Variants in MMP16 observed in about 807,000 individuals in gnomAD.
MMP16 encodes the protein matrix metalloproteinase-16.
Under a neutral mutation model 67.8 loss-of-function variants are expected in MMP16, and 12 were observed. The ratio of observed to expected loss-of-function variants is 0.18; its 90% CI spans 0.11 to 0.29. The LOEUF is 0.29. Ranked by LOEUF, MMP16 falls within the 10% of genes least tolerant of loss-of-function variation. The probability of loss-of-function intolerance (pLI) is 1.00; values close to 1 mark genes in which losing one functional copy is unlikely to be tolerated. For missense variants in MMP16, 475 were observed against 765.7 expected (o/e 0.62, Z 4.48); for synonymous variants, 249 against 255.9 (o/e 0.97, Z 0.26).
chr8:88,126,002 T>C (rs1346824487), intron 4 of MMP16, among the ~76,000 whole-genome samples: 2 of 150,904 alleles, frequency 1.3e-5, no homozygotes, highest in East Asian at 3.9e-4. Context: ...TGAATTGCCA[T>C]ATTATTTTTA....
chr8:88,056,136 C>A lies in MMP16; in HGVS notation c.1365G>T (p.Lys455Asn). 6.4e-7 allele frequency: 1 copy of A among 1,563,742 alleles called. No individual in the cohort carries two copies. The highest frequency in any genetic ancestry group is 8.7e-7 in the Non-Finnish European group (1 of 1,151,584). Residue 455 changes from lysine to asparagine, a missense_variant, in exon 8 of 10, where the codon AAG becomes AAT. Coordinates refer to ENST00000286614, the MANE Select transcript of MMP16 (RefSeq NM_005941.5). ...GAGAAGTGTATACTGACCTGTCTCCCTTGAAGAAATAGGTTTTCCCGACGT... is the reference window on the plus strand; with the variant it reads ...GAGAAGTGTATACTGACCTGTCTCCATTGAAGAAATAGGTTTTCCCGACGT... Reference protein sequence around the residue: ...WEDVGKTYFFKGDRYWRYSEE... With the variant: ...WEDVGKTYFFNGDRYWRYSEE...
chr8:88,265,936 G>T (rs1585988002), intron 1 of MMP16, among the ~76,000 whole-genome samples: 1 of 152,134 alleles, frequency 6.6e-6, no homozygotes, highest in Non-Finnish European at 1.5e-5. Flanking sequence ...GGGCAATCTG[G>T]ATCTGACTGC....
At chr8:88,087,319 T>C (rs17664125) in intron 6 of MMP16, among the ~76,000 whole-genome samples, 27,396 of 151,848 alleles carry the variant, frequency 0.18, 2,888 homozygotes, top group Middle Eastern at 0.28. Flanking sequence ...TCACCTCCTC[T>C]GGGGATACTT....
At chr8:88,080,633 A>G (rs1808731299) in intron 6 of MMP16, among the ~76,000 whole-genome samples, 1 of 151,990 alleles carries the variant, frequency 6.6e-6, no homozygotes, top group African/African-American at 2.4e-5. Flanking sequence ...ATGAGGTTTC[A>G]CCACGTTGGC....
intron 4 of MMP16, among the ~76,000 whole-genome samples, chr8:88,120,784 C>A (rs1376556645): frequency 1.3e-5 from 2 of 151,862 alleles, no homozygotes; most frequent in Non-Finnish European, 2.9e-5. Flanking sequence ...AAAACTGATG[C>A]AACTTCTTGG....
intron 1 of MMP16, among the ~76,000 whole-genome samples, chr8:88,274,359 TTTTATAA>T (rs1810612265): frequency 6.6e-6 from 1 of 152,094 alleles, no homozygotes; most frequent in Admixed American, 6.6e-5. Flanking sequence ...TGCAGGTGTG[TTTTATAA>T]CAAGCTTTGT....
At chr8:88,236,156 A>G (rs2129885791) in intron 1 of MMP16, among the ~76,000 whole-genome samples, 1 of 152,346 alleles carries the variant, frequency 6.6e-6, no homozygotes, top group South Asian at 2.1e-4. Context: ...AAAGTATACA[A>G]AAAGTGCACA....
chr8:88,166,675 G>A (rs1808716074), intron 4 of MMP16, among the ~76,000 whole-genome samples: 1 of 100,604 alleles, frequency 9.9e-6, no homozygotes. Flanking sequence ...AAAAGAGAAG[G>A]AGCAAAAAAT....
chr8:88,226,508 A>T (rs969030203), intron 1 of MMP16, among the ~76,000 whole-genome samples: 23 of 152,066 alleles, frequency 1.5e-4, no homozygotes, highest in African/African-American at 5.3e-4. Flanking sequence ...CTCATTTTCA[A>T]GTTCTGTGGT....
intron 4 of MMP16, among the ~76,000 whole-genome samples, chr8:88,136,551 G>A (rs1272138856): frequency 2.0e-5 from 3 of 151,272 alleles, no homozygotes; most frequent in Non-Finnish European, 4.4e-5. Context: ...CATCCCCAAA[G>A]GAACGGTTAT....
chr8:88,230,569 G>A (rs1809842768), intron 1 of MMP16, among the ~76,000 whole-genome samples: 1 of 144,192 alleles, frequency 6.9e-6, no homozygotes. Flanking sequence ...GATCAAAAAA[G>A]CAACAGAAAC....
At chr8:88,112,689 G>GTGTGTGTGTGTGTGTC (rs1444478347) in intron 6 of MMP16, among the ~76,000 whole-genome samples, 176 of 151,764 alleles carry the variant, frequency 1.2e-3, no homozygotes, top group Non-Finnish European at 1.7e-3. Flanking sequence ...GTGTGTCTGT[G>GTGTGTGTGTGTGTGTC]TGTATGTATG....
At chr8:88,091,686 G>A (rs1296311001) in intron 6 of MMP16, among the ~76,000 whole-genome samples, 2 of 151,714 alleles carry the variant, frequency 1.3e-5, no homozygotes, top group African/African-American at 2.4e-5. Context: ...TTTAAAAGAA[G>A]TAATCAATTA....
chr8:88,118,688 G>C lies in MMP16; in HGVS notation c.871+12C>G. ...CTATCGGATTAAGCAAATTGAAACAGTAGTAACCTACCATATATCTTCTGG... is the reference window on the plus strand; with the variant it reads ...CTATCGGATTAAGCAAATTGAAACACTAGTAACCTACCATATATCTTCTGG... On this transcript the variant is annotated intron_variant, in intron 5 of 9. Transcript: ENST00000286614. The C allele has an allele frequency of 6.2e-7, 1 of 1,610,840 alleles. No homozygotes were observed. Among genetic ancestry groups the C allele is most frequent in the Non-Finnish European group, 8.5e-7 (1 of 1,177,782 alleles).
intron 4 of MMP16, among the ~76,000 whole-genome samples, chr8:88,131,825 A>AAT (rs1808035838): frequency 1.3e-5 from 2 of 151,988 alleles, no homozygotes; most frequent in Admixed American, 1.3e-4. Flanking sequence ...AACACATATA[A>AAT]AAGTGATGAA....
intron 2 of MMP16, among the ~76,000 whole-genome samples, chr8:88,195,413 T>A (rs1428842177): frequency 6.6e-6 from 1 of 152,188 alleles, no homozygotes; most frequent in African/African-American, 2.4e-5. Context: ...TGTATTTTTA[T>A]GAATTGCGTC....
Position 88,211,079 on chromosome 8 carries a change from C to T in MMP16, c.133-13773G>A, listed in dbSNP as rs146664686. ...GTGTCATTGTAACTTTGAAACAGCT[C>T]TTGCTCTTAACAACTTCCAGGAAGC... On this transcript the variant is annotated intron_variant, in intron 1 of 9. Transcript: ENST00000286614. Among the ~76,000 whole-genome samples, 25 of 152,190 alleles carry T rather than the reference C, an allele frequency of 1.6e-4. 2 individuals carry two copies. Among genetic ancestry groups the T allele is most frequent in the Middle Eastern group, 3.4e-3 (1 of 294 alleles).
chr8:88,118,798 T>C lies in MMP16; in HGVS notation c.773A>G (p.Asn258Ser), dbSNP rs752632247. Residue 258 changes from asparagine (N) to serine (S), a missense_variant, in exon 5 of 10, where the codon AAT becomes AGT. Coordinates refer to ENST00000286614, the MANE Select transcript of MMP16 (RefSeq NM_005941.5). ...LGHALGLEHS[N>S]DPTAIMAPFY... ...TGGAGCCATGATGGCAGTGGGGTCA[T>C]TGGAATGCTCCAATCCCAGAGCATG... 11 of 1,613,394 alleles carry C rather than the reference T, an allele frequency of 6.8e-6. No individual in the cohort carries two copies. The highest frequency in any genetic ancestry group is 4.4e-5 in the South Asian group (4 of 91,056).
rs377349426 is a variant in MMP16 at position 88,305,445 on chromosome 8, T to C, written c.132+21630A>G. 9.2e-5 allele frequency among the ~76,000 whole-genome samples: 14 copies of C among 152,308 alleles called. No homozygotes were observed. In the East Asian group the frequency reaches 2.3e-3, roughly 25 times the overall value. On this transcript the variant is annotated intron_variant, in intron 1 of 9. Transcript: ENST00000286614. The stretch of plus-strand genomic sequence containing the variant: ...TCACCTCTGGATCAAGTGGACCTCA[T>C]AGATATCTACAGAACTCTCCACCCC...
Sources: allele counts gnomAD v4.1 joint callset (sites outside exome capture counted in the v4.1 genomes callset), GRCh38; gene constraint gnomAD v4.1.1; transcripts MANE v1.5; gene names NCBI Gene and HGNC (gene_info 2026-07-23, HGNC 2026-07-21).